Variants in EXOC4 observed in about 807,000 individuals in gnomAD.
The protein encoded by EXOC4 is SEC8-like 1.
In EXOC4, 71 loss-of-function variants were observed where a neutral mutation model predicts 107.2. That is an observed-to-expected ratio of 0.66 (90% CI 0.55 to 0.81). The LOEUF is 0.81. Ranked by LOEUF, EXOC4 falls within the 30% of genes least tolerant of loss-of-function variation. The pLI is 0.00. For missense variants in EXOC4, 1,108 were observed against 1,189.6 expected (o/e 0.93, Z 1.01); for synonymous variants, 456 against 441.2 (o/e 1.03, Z -0.42).
chr7:133,630,020 C>T (rs1002797341), intron 9 of EXOC4, 25 bp from the exon 10 acceptor site: 5 of 1,549,534 alleles, frequency 3.2e-6, no homozygotes, highest in Non-Finnish European at 4.5e-6. Context: ...TGAGCTAAGT[C>T]TGTTTTTTTT....
chr7:133,815,407 C>G (rs933729933), intron 10 of EXOC4, among the ~76,000 whole-genome samples: 2 of 149,760 alleles, frequency 1.3e-5, no homozygotes, highest in African/African-American at 4.9e-5. Flanking sequence ...ACAAAAAACT[C>G]TATTCCTGGC....
intron 9 of EXOC4, among the ~76,000 whole-genome samples, chr7:133,491,783 G>C (rs1446358541): frequency 6.6e-6 from 1 of 152,160 alleles, no homozygotes; most frequent in African/African-American, 2.4e-5. Context: ...TTCAAGGGAA[G>C]TCATAGGAGG....
At chr7:133,383,691 C>T (rs1052903508) in intron 7 of EXOC4, among the ~76,000 whole-genome samples, 6 of 152,058 alleles carry the variant, frequency 3.9e-5, no homozygotes, top group African/African-American at 4.8e-5. Flanking sequence ...TAGGTTCTGT[C>T]GACTTTGATA....
At chr7:133,698,338 G>A (rs1794582932) in intron 10 of EXOC4, among the ~76,000 whole-genome samples, 1 of 152,044 alleles carries the variant, frequency 6.6e-6, no homozygotes, top group African/African-American at 2.4e-5. Flanking sequence ...GGTGACTCAT[G>A]CCTATAATCC....
intron 10 of EXOC4, among the ~76,000 whole-genome samples, chr7:133,782,761 C>G (rs1796494545): frequency 6.6e-6 from 1 of 152,108 alleles, no homozygotes; most frequent in Non-Finnish European, 1.5e-5. Flanking sequence ...TACTTAACTA[C>G]AATTATGCTG....
At chr7:133,383,075 G>GC (rs1338903800) in intron 7 of EXOC4, among the ~76,000 whole-genome samples, 1 of 152,142 alleles carries the variant, frequency 6.6e-6, no homozygotes, top group Non-Finnish European at 1.5e-5. Flanking sequence ...CTTTTGAGCA[G>GC]CGGCAGTACC....
At chr7:133,436,803 G>T (rs1797986887) in intron 7 of EXOC4, among the ~76,000 whole-genome samples, 1 of 152,086 alleles carries the variant, frequency 6.6e-6, no homozygotes, top group African/African-American at 2.4e-5. Flanking sequence ...CTTTATTTTA[G>T]CTTGTAGGAA....
intron 7 of EXOC4, among the ~76,000 whole-genome samples, chr7:133,439,991 T>C (rs1397319716): frequency 6.6e-6 from 1 of 152,206 alleles, no homozygotes; most frequent in African/African-American, 2.4e-5. Context: ...AGCTTCTTTA[T>C]TTTTTACTTT....
intron 9 of EXOC4, among the ~76,000 whole-genome samples, chr7:133,589,700 G>A (rs537084196): frequency 3.3e-5 from 5 of 152,200 alleles, no homozygotes; most frequent in Admixed American, 6.5e-5. Context: ...GTTCATTGTC[G>A]GCCCTCTTTA....
intron 14 of EXOC4, among the ~76,000 whole-genome samples, chr7:133,972,813 G>GT (rs1412281484): frequency 6.6e-6 from 1 of 152,154 alleles, no homozygotes; most frequent in Non-Finnish European, 1.5e-5. Context: ...TGGCTTCCCT[G>GT]TTTTTGCCTT....
At chr7:133,963,157 C>T (rs1433744017) in intron 14 of EXOC4, among the ~76,000 whole-genome samples, 2 of 152,228 alleles carry the variant, frequency 1.3e-5, no homozygotes, top group South Asian at 2.1e-4. Flanking sequence ...TAATCACTCA[C>T]GGCAGTTGTG....
chr7:133,726,133 GGT>G (rs773993545), intron 10 of EXOC4, among the ~76,000 whole-genome samples: 4 of 152,064 alleles, frequency 2.6e-5, no homozygotes, highest in African/African-American at 4.8e-5. Context: ...TATAAAAAAT[GGT>G]ATTAAAACCA....
intron 9 of EXOC4, among the ~76,000 whole-genome samples, chr7:133,627,514 C>G (rs1461850648): frequency 1.3e-5 from 2 of 152,110 alleles, no homozygotes; most frequent in Non-Finnish European, 2.9e-5. Flanking sequence ...TTATCTGTTC[C>G]TGAAGTGTGG....
At chr7:133,939,277 C>T (rs1367018461) in intron 14 of EXOC4, among the ~76,000 whole-genome samples, 1 of 151,950 alleles carries the variant, frequency 6.6e-6, no homozygotes, top group Admixed American at 6.6e-5. Flanking sequence ...ATGTTTCCAG[C>T]CTAGAGATGG....
intron 9 of EXOC4, among the ~76,000 whole-genome samples, chr7:133,628,862 G>A (rs1802519019): frequency 6.6e-6 from 1 of 152,166 alleles, no homozygotes; most frequent in Admixed American, 6.5e-5. Flanking sequence ...CATCAAGAAA[G>A]CATCAACTTT....
chr7:133,647,819 A>G (rs1481446299), intron 10 of EXOC4, among the ~76,000 whole-genome samples: 1 of 152,142 alleles, frequency 6.6e-6, no homozygotes, highest in Non-Finnish European at 1.5e-5. Context: ...AATTAGAGCC[A>G]TCATGGAAGA....
At chr7:133,298,650 A>G (rs1403818267) in intron 3 of EXOC4, among the ~76,000 whole-genome samples, 7 of 152,150 alleles carry the variant, frequency 4.6e-5, no homozygotes, top group African/African-American at 1.2e-4. Flanking sequence ...CGTGTTACGT[A>G]TAGTTTAATT....
intron 9 of EXOC4, among the ~76,000 whole-genome samples, chr7:133,582,841 G>A (rs563401250): frequency 4.6e-5 from 7 of 152,242 alleles, no homozygotes; most frequent in Admixed American, 3.9e-4. Context: ...ACAGAAAAAA[G>A]AAATGGAGTC....
At chr7:133,951,891 T>C (rs1217640239) in intron 14 of EXOC4, among the ~76,000 whole-genome samples, 1 of 152,228 alleles carries the variant, frequency 6.6e-6, no homozygotes, top group African/African-American at 2.4e-5. Context: ...CCAGGTGCAG[T>C]GGCTCACGCC....
Sources: allele counts gnomAD v4.1 joint callset (sites outside exome capture counted in the v4.1 genomes callset), GRCh38; gene constraint gnomAD v4.1.1; transcripts MANE v1.5; gene names NCBI Gene and HGNC (gene_info 2026-07-23, HGNC 2026-07-21).